Variants in CAMK1D observed in about 807,000 individuals in gnomAD.
CAMK1D encodes calcium/calmodulin-dependent protein kinase type 1D.
A neutral mutation model predicts 47.7 loss-of-function variants in CAMK1D; 9 were observed. The observed-to-expected ratio is 0.19, with a 90% CI of 0.11 to 0.33. The LOEUF is 0.33. Ranked by LOEUF, CAMK1D falls within the 10% of genes least tolerant of loss-of-function variation. The pLI, the probability that CAMK1D is intolerant of heterozygous loss-of-function variation, is 1.00. For synonymous variants in CAMK1D, 184 were observed against 184.9 expected (o/e 0.99, Z 0.04); for missense variants, 291 against 488.7 (o/e 0.60, Z 3.81).
rs1465042842 is a variant in CAMK1D, at chr10:12,707,376, CTG to C, written c.299+40570_299+40571del. On this transcript the variant is annotated intron_variant, in intron 3 of 10. Coordinates refer to ENST00000619168, the MANE Select transcript of CAMK1D (RefSeq NM_153498.4). ...TGTGTTGACTGGGGTAAAATGTGAT[CTG>C]TGTCATTTTGATTTTGAGTTCTCAC... is the stretch of plus-strand genomic sequence containing the variant. Among the ~76,000 whole-genome samples the C allele has an allele frequency of 2.0e-5, 3 of 152,274 alleles. No individual in the cohort carries two copies. In the East Asian group the frequency reaches 5.8e-4, roughly 29 times the overall value.
intron 2 of CAMK1D, among the ~76,000 whole-genome samples, chr10:12,613,829 C>T (rs998550843): frequency 5.3e-5 from 8 of 152,124 alleles, no homozygotes; most frequent in Admixed American, 2.6e-4. Context: ...GTTCTGGGTA[C>T]GGTTGAGTTG....
intron 1 of CAMK1D, among the ~76,000 whole-genome samples, chr10:12,410,738 A>C (rs933162284): frequency 6.6e-6 from 1 of 152,200 alleles, no homozygotes; most frequent in African/African-American, 2.4e-5. Context: ...CAGGAATGAC[A>C]CACGTTTAAT....
intron 3 of CAMK1D, among the ~76,000 whole-genome samples, chr10:12,724,626 C>A (rs1405693668): frequency 1.3e-5 from 2 of 152,242 alleles, no homozygotes; most frequent in African/African-American, 4.8e-5. Context: ...GAAGTCCTCA[C>A]ATTTAAATGG....
intron 2 of CAMK1D, among the ~76,000 whole-genome samples, chr10:12,621,987 C>T (rs10906186): frequency 0.35 from 53,677 of 152,002 alleles, 11,823 homozygotes; most frequent in East Asian, 0.53. Context: ...GTCACCTGCT[C>T]GGGGAGCTCC....
At chr10:12,542,291 G>A (rs755636812) in intron 1 of CAMK1D, among the ~76,000 whole-genome samples, 9 of 152,174 alleles carry the variant, frequency 5.9e-5, no homozygotes, top group African/African-American at 1.4e-4. Flanking sequence ...GGGGGGTAAC[G>A]TCTGCAGGCC....
At chr10:12,741,471 T>A (rs1318756667) in intron 3 of CAMK1D, among the ~76,000 whole-genome samples, 1 of 152,242 alleles carries the variant, frequency 6.6e-6, no homozygotes, top group African/African-American at 2.4e-5. Flanking sequence ...CTTGCCTTGC[T>A]CTGTTTCCAT....
At position 12,725,619 on chromosome 10, in the gene CAMK1D, C is replaced by T. The variant is rs1196674991; in HGVS notation, c.300-35329C>T. 2.6e-5 allele frequency among the ~76,000 whole-genome samples: 4 copies of T among 152,340 alleles called. No homozygotes were observed. The East Asian group carries it at 5.8e-4, about 22-fold the overall frequency. On this transcript the variant is annotated intron_variant, in intron 3 of 10. Coordinates refer to ENST00000619168, the MANE Select transcript of CAMK1D (RefSeq NM_153498.4). Reference sequence around the variant, plus strand: ...ATTACTACTTTATTTTCTCAACAGTCTTCTCTCATTTCGGCATCTTGCAGG... The same window carrying T: ...ATTACTACTTTATTTTCTCAACAGTTTTCTCTCATTTCGGCATCTTGCAGG...
intron 3 of CAMK1D, among the ~76,000 whole-genome samples, chr10:12,719,327 A>G (rs1834279432): frequency 6.6e-6 from 1 of 152,044 alleles, no homozygotes; most frequent in African/African-American, 2.4e-5. Flanking sequence ...GGATCACTTG[A>G]ACCTAAGAGG....
chr10:12,625,709 G>T (rs1202724418), intron 2 of CAMK1D, among the ~76,000 whole-genome samples: 2 of 149,502 alleles, frequency 1.3e-5, no homozygotes, highest in African/African-American at 4.9e-5. Context: ...AGGGAAATCT[G>T]TGCAGGGCTT....
chr10:12,512,041 G>A (rs1005733836), intron 1 of CAMK1D, among the ~76,000 whole-genome samples: 1 of 152,200 alleles, frequency 6.6e-6, no homozygotes, highest in Non-Finnish European at 1.5e-5. Context: ...TTGGAAAGGT[G>A]CAAATGAAAC....
chr10:12,443,630 ATTTTTTT>A (rs939125716), intron 1 of CAMK1D, among the ~76,000 whole-genome samples: 2 of 148,178 alleles, frequency 1.3e-5, no homozygotes, highest in African/African-American at 4.9e-5. Context: ...ATTTTATTTT[ATTTTTTT>A]TTTTATTTTT....
At chr10:12,465,026 T>A (rs1833550302) in intron 1 of CAMK1D, among the ~76,000 whole-genome samples, 1 of 152,210 alleles carries the variant, frequency 6.6e-6, no homozygotes, top group Non-Finnish European at 1.5e-5. Context: ...AGTGGTCATG[T>A]TGAAATCTGA....
intron 3 of CAMK1D, among the ~76,000 whole-genome samples, chr10:12,709,503 G>C (rs1324354894): frequency 6.6e-6 from 1 of 152,088 alleles, no homozygotes; most frequent in African/African-American, 2.4e-5. Context: ...AATCTTAGGG[G>C]AATAAAAATA....
At chr10:12,817,425 G>A (rs574458104) in intron 8 of CAMK1D, among the ~76,000 whole-genome samples, 142 of 152,296 alleles carry the variant, frequency 9.3e-4, no homozygotes, top group African/African-American at 3.2e-3. Context: ...ATTGAGAGTT[G>A]ATGGCATTCT....
intron 1 of CAMK1D, among the ~76,000 whole-genome samples, chr10:12,523,940 G>A (rs1835530259): frequency 6.6e-6 from 1 of 151,940 alleles, no homozygotes; most frequent in South Asian, 2.1e-4. Context: ...TCGCTCTGTT[G>A]CCCAGGCTTG....
At chr10:12,579,140 G>T (rs899560198) in intron 2 of CAMK1D, among the ~76,000 whole-genome samples, 1 of 152,104 alleles carries the variant, frequency 6.6e-6, no homozygotes, top group Non-Finnish European at 1.5e-5. Flanking sequence ...AGGAGTCCTC[G>T]GAAGGCGCCT....
intron 1 of CAMK1D, among the ~76,000 whole-genome samples, chr10:12,449,171 G>A (rs1833007558): frequency 6.6e-6 from 1 of 152,042 alleles, no homozygotes; most frequent in African/African-American, 2.4e-5. Flanking sequence ...TGAGTATTTG[G>A]CCATTAAAAT....
intron 1 of CAMK1D, among the ~76,000 whole-genome samples, chr10:12,447,698 T>G (rs1832961107): frequency 6.6e-6 from 1 of 152,162 alleles, no homozygotes; most frequent in Admixed American, 6.5e-5. Context: ...TGAGATCCTA[T>G]TTCAAAAAAA....
intron 2 of CAMK1D, among the ~76,000 whole-genome samples, chr10:12,656,617 A>G (rs1840122961): frequency 6.6e-6 from 1 of 152,246 alleles, no homozygotes; most frequent in Non-Finnish European, 1.5e-5. Flanking sequence ...TGTAGTACTT[A>G]ATCTTTAAAA....
Sources: gnomAD v4.1 joint callset for allele counts (sites outside exome capture counted in the v4.1 genomes callset) on GRCh38, gnomAD v4.1.1 for gene constraint, MANE v1.5 for transcripts, NCBI Gene and HGNC (gene_info 2026-07-23, HGNC 2026-07-21) for gene names.